The following RBFOX3 variants were observed in gnomAD, a reference collection of about 807,000 sequenced individuals.
RBFOX3 encodes RNA binding protein fox-1 homolog 3.
Under a neutral mutation model 48.7 loss-of-function variants are expected in RBFOX3, and 17 were observed. The ratio of observed to expected loss-of-function variants is 0.35; its 90% CI spans 0.24 to 0.52. The LOEUF (loss-of-function observed/expected upper bound fraction) is 0.52. Among genes scored for constraint, RBFOX3 ranks in the 20% least tolerant of loss-of-function variants. The pLI is 0.94. For synonymous variants in RBFOX3, 212 were observed against 209.5 expected (o/e 1.01, Z -0.10); for missense variants, 382 against 497.5 (o/e 0.77, Z 2.21).
chr17:79,103,722 C>T lies in RBFOX3; in HGVS notation c.414+351G>A, dbSNP rs1250375975. On this transcript the variant is annotated intron_variant, in intron 7 of 14. Transcript: ENST00000693108. This position sits in a 1 kb window ranked among gnomAD's most constrained non-coding sequence, Gnocchi z 6.1. ...GGGAGTAGGGCTTGTCTCCGCCGGA[C>T]ACCCTCCCCAGCCTGCCCTCTCTGT... Among the ~76,000 whole-genome samples the T allele has an allele frequency of 6.6e-6, 1 of 152,088 alleles. No individual in the cohort carries two copies. The highest frequency in any genetic ancestry group is 1.5e-5 in the Non-Finnish European group (1 of 67,996).
intron 1 of RBFOX3, among the ~76,000 whole-genome samples, chr17:79,579,595 G>A (rs1218908110): frequency 6.6e-6 from 1 of 152,094 alleles, no homozygotes; most frequent in African/African-American, 2.4e-5. Context: ...AAGCTCCGGG[G>A]CTGGCGGGAG....
At chr17:79,295,882 G>C (rs902676023) in intron 3 of RBFOX3, among the ~76,000 whole-genome samples, 1 of 152,134 alleles carries the variant, frequency 6.6e-6, no homozygotes, top group African/African-American at 2.4e-5. Flanking sequence ...GTCTGTCTGT[G>C]GCAGGGCATG....
chr17:79,305,088 C>A (rs2075911441), intron 3 of RBFOX3, among the ~76,000 whole-genome samples: 1 of 152,216 alleles, frequency 6.6e-6, no homozygotes, highest in Non-Finnish European at 1.5e-5. Context: ...TGGGCCGCCG[C>A]CTGGCCAGGG....
At chr17:79,615,905 A>T (rs1266771068), upstream of RBFOX3, among the ~76,000 whole-genome samples, 1 of 152,174 alleles carries the variant, frequency 6.6e-6, no homozygotes, top group African/African-American at 2.4e-5. Context: ...CCAGAGTTTC[A>T]CATTGTCTTC....
At chr17:79,118,346 G>A (rs1489944408) in intron 4 of RBFOX3, among the ~76,000 whole-genome samples, 3 of 152,178 alleles carry the variant, frequency 2.0e-5, no homozygotes, top group Admixed American at 2.0e-4. Context: ...GAGGTTCCAG[G>A]CTCATTGCCC....
chr17:79,236,778 A>T (rs2147908974), intron 3 of RBFOX3, among the ~76,000 whole-genome samples: 1 of 152,236 alleles, frequency 6.6e-6, no homozygotes, highest in South Asian at 2.1e-4. Flanking sequence ...AAGCTAGCTC[A>T]CTGGGGCCTG....
intron 1 of RBFOX3, among the ~76,000 whole-genome samples, chr17:79,491,303 T>C (rs1262572953): frequency 1.3e-5 from 2 of 151,346 alleles, no homozygotes; most frequent in Non-Finnish European, 2.9e-5. Context: ...AGACCAGACA[T>C]ATAAGTTAGA....
At chr17:79,159,474 G>T (rs2046506398) in intron 4 of RBFOX3, among the ~76,000 whole-genome samples, 1 of 152,170 alleles carries the variant, frequency 6.6e-6, no homozygotes, top group African/African-American at 2.4e-5. Flanking sequence ...GAGAGGGCTG[G>T]ACTCCACACG....
intron 2 of RBFOX3, among the ~76,000 whole-genome samples, chr17:79,411,892 C>T (rs1254525953): frequency 1.3e-5 from 2 of 152,128 alleles, no homozygotes; most frequent in Admixed American, 6.5e-5. Context: ...AGCGTGTATG[C>T]ACGTGTTGTG....
chr17:79,374,841 T>C (rs528780521), intron 2 of RBFOX3, among the ~76,000 whole-genome samples: 24 of 152,342 alleles, frequency 1.6e-4, no homozygotes, highest in Middle Eastern at 6.8e-3. Context: ...ATTTAAAATA[T>C]GATTTGATTG....
At chr17:79,604,113 C>T (rs1323122869) in intron 1 of RBFOX3, among the ~76,000 whole-genome samples, 5 of 152,328 alleles carry the variant, frequency 3.3e-5, no homozygotes, top group Middle Eastern at 3.4e-3. Flanking sequence ...TGTGTGCCCA[C>T]GGGCAAAGGG....
At chr17:79,524,232 T>C (rs1017262944) in intron 1 of RBFOX3, among the ~76,000 whole-genome samples, 8 of 152,124 alleles carry the variant, frequency 5.3e-5, no homozygotes, top group Non-Finnish European at 1.2e-4. Flanking sequence ...CAGACAACAA[T>C]GTTTGGGCAG....
intron 2 of RBFOX3, among the ~76,000 whole-genome samples, chr17:79,330,463 T>G (rs1002304424): frequency 1.3e-5 from 2 of 152,192 alleles, no homozygotes; most frequent in African/African-American, 4.8e-5. Flanking sequence ...GTGGTTTTTT[T>G]TCTTTTCACG....
intron 5 of RBFOX3, among the ~76,000 whole-genome samples, chr17:79,115,146 G>A (rs925931041): frequency 1.3e-5 from 2 of 152,226 alleles, no homozygotes; most frequent in Non-Finnish European, 2.9e-5. Context: ...TGGCAGCGAG[G>A]ACACCTCCCA....
chr17:79,249,359 A>G lies in RBFOX3; in HGVS notation c.-73-13554T>C, dbSNP rs1220740615. ...CTGTGTCTCGGCCCGCTCGGCTCCA[A>G]TGCTGCTGCAGTCACCGTCTTTTAT... On this transcript the variant is annotated intron_variant, in intron 3 of 14. Coordinates refer to ENST00000693108, the MANE Select transcript of RBFOX3 (RefSeq NM_001350451.2). The surrounding 1 kb of genome is among the most constrained non-coding windows in gnomAD (Gnocchi z 4.1). Among the ~76,000 whole-genome samples, 2 of 152,096 alleles carry G rather than the reference A, an allele frequency of 1.3e-5. No individual in the cohort carries two copies. Among genetic ancestry groups the G allele is most frequent in the Admixed American group, 6.5e-5 (1 of 15,268 alleles).
intron 12 of RBFOX3, among the ~76,000 whole-genome samples, chr17:79,095,870 A>C (rs2075131451): frequency 6.6e-6 from 1 of 152,064 alleles, no homozygotes; most frequent in African/African-American, 2.4e-5. Flanking sequence ...CCATCTGTGC[A>C]CTCCACACAC....
chr17:79,620,047 GCACATGCACACATATGTACATGCA>G, the RBFOX3 span, among the ~76,000 whole-genome samples: 3 of 121,744 alleles, frequency 2.5e-5, no homozygotes, highest in Non-Finnish European at 5.2e-5. Flanking sequence ...ATGCACACAC[GCACATGCACACATATGTACATGCA>G]CACATGCACA....
chr17:79,322,483 T>C (rs1869932), intron 2 of RBFOX3, among the ~76,000 whole-genome samples: 32,212 of 152,140 alleles, frequency 0.21, 4,035 homozygotes, highest in East Asian at 0.35. Flanking sequence ...CTTCTCCATG[T>C]CAAGTGTAAC....
intron 3 of RBFOX3, among the ~76,000 whole-genome samples, chr17:79,294,994 G>T (rs2074091734): frequency 1.3e-5 from 2 of 152,240 alleles, no homozygotes; most frequent in African/African-American, 4.8e-5. Flanking sequence ...ACAGCGGCCA[G>T]TTCAGGGAGT....
Sources: allele counts gnomAD v4.1 joint callset (sites outside exome capture counted in the v4.1 genomes callset), GRCh38; gene constraint gnomAD v4.1.1; non-coding constraint Gnocchi (gnomAD v3.1); transcripts MANE v1.5; gene names NCBI Gene and HGNC (gene_info 2026-07-23, HGNC 2026-07-21).